Variants in SV2C observed in about 807,000 individuals in gnomAD.
SV2C encodes synaptic vesicle glycoprotein 2C, also known as solute carrier family 22 member B3.
Under a neutral mutation model 79.7 loss-of-function variants are expected in SV2C, and 49 were observed. That is an observed-to-expected ratio of 0.61 (90% confidence interval 0.49 to 0.78). The LOEUF is 0.78. SV2C is among the 30% of genes least tolerant of loss of function. The pLI is 0.00. For synonymous variants in SV2C, 334 were observed against 333.2 expected, an observed-to-expected ratio of 1.00 and a Z score of -0.03; for missense variants, 833 against 912.9, an observed-to-expected ratio of 0.91 and a Z score of 1.13.
the SV2C span, among the ~76,000 whole-genome samples, chr5:76,012,079 G>A: frequency 1.3e-5 from 2 of 152,144 alleles, no homozygotes; most frequent in Non-Finnish European, 2.9e-5. Flanking sequence ...ACATGTGCAT[G>A]TGTCTTTATA....
At chr5:76,271,747 G>A (rs887471989) in intron 4 of SV2C, among the ~76,000 whole-genome samples, 10 of 151,612 alleles carry the variant, frequency 6.6e-5, no homozygotes, top group African/African-American at 1.7e-4. Flanking sequence ...GATTACAGGC[G>A]TGAGCCATCG....
At chr5:75,895,910 G>A in the SV2C span, among the ~76,000 whole-genome samples, 1 of 151,780 alleles carries the variant, frequency 6.6e-6, no homozygotes, top group African/African-American at 2.4e-5. Flanking sequence ...AGTACCTTTA[G>A]GGTTTCTATT....
At chr5:76,061,381 G>A in the SV2C span, among the ~76,000 whole-genome samples, 4 of 150,944 alleles carry the variant, frequency 2.6e-5, no homozygotes, top group Non-Finnish European at 5.9e-5. Flanking sequence ...GGTCTGTAAA[G>A]GATCACAAAT....
At chr5:76,104,926 C>T (rs943178152) in intron 1 of SV2C, among the ~76,000 whole-genome samples, 3 of 152,166 alleles carry the variant, frequency 2.0e-5, no homozygotes, top group Non-Finnish European at 4.4e-5. Flanking sequence ...GCAGATGATT[C>T]TCGTTTGCAG....
chr5:76,310,265 G>A (rs1347268057), intron 12 of SV2C, among the ~76,000 whole-genome samples: 1 of 152,212 alleles, frequency 6.6e-6, no homozygotes, highest in Non-Finnish European at 1.5e-5. Context: ...GCTACGTGGA[G>A]CATAGAGAAT....
the SV2C span, among the ~76,000 whole-genome samples, chr5:76,053,298 C>T: frequency 6.6e-6 from 1 of 152,110 alleles, no homozygotes; most frequent in Non-Finnish European, 1.5e-5. Flanking sequence ...CCAATTGACA[C>T]AAGTTCTGTG....
chr5:75,897,248 G>C, the SV2C span, among the ~76,000 whole-genome samples: 1 of 151,584 alleles, frequency 6.6e-6, no homozygotes, highest in South Asian at 2.1e-4. Context: ...TTTTGTATAA[G>C]GTGTAAGGAA....
chr5:76,246,227 G>A (rs1347337356), intron 4 of SV2C, among the ~76,000 whole-genome samples: 2 of 152,064 alleles, frequency 1.3e-5, no homozygotes, highest in African/African-American at 2.4e-5. Flanking sequence ...ATATTCCTGA[G>A]TATTCATTCA....
the SV2C span, among the ~76,000 whole-genome samples, chr5:76,013,029 C>T: frequency 6.6e-6 from 1 of 152,160 alleles, no homozygotes; most frequent in African/African-American, 2.4e-5. Flanking sequence ...AGTTTGAAGT[C>T]AGAGAGCATG....
the SV2C span, among the ~76,000 whole-genome samples, chr5:75,871,022 T>C: frequency 1.4e-4 from 21 of 152,202 alleles, no homozygotes; most frequent in Admixed American, 1.4e-3. Context: ...ACTGTTTCAG[T>C]AGCATAATAC....
chr5:76,185,683 C>T (rs748421232), intron 2 of SV2C, among the ~76,000 whole-genome samples: 10 of 152,256 alleles, frequency 6.6e-5, no homozygotes, highest in Non-Finnish European at 1.3e-4. Flanking sequence ...GCACCATGTT[C>T]CAAGGCTGCA....
the SV2C span, among the ~76,000 whole-genome samples, chr5:76,023,675 T>TGC: frequency 1.0e-5 from 1 of 97,356 alleles, no homozygotes; most frequent in Non-Finnish European, 2.2e-5. Context: ...TATATATGTA[T>TGC]GTGTGTGTGT....
the SV2C span, among the ~76,000 whole-genome samples, chr5:75,976,373 G>A: frequency 6.6e-6 from 1 of 152,122 alleles, no homozygotes; most frequent in Non-Finnish European, 1.5e-5. Context: ...AAGACCTATA[G>A]TTGTTTCAGG....
At chr5:76,029,127 AGTT>A in the SV2C span, among the ~76,000 whole-genome samples, 12 of 152,218 alleles carry the variant, frequency 7.9e-5, no homozygotes, top group Admixed American at 3.3e-4. Context: ...AATTGTATGT[AGTT>A]ATTATGCACA....
chr5:76,087,330 G>C (rs1263327167), intron 1 of SV2C, among the ~76,000 whole-genome samples: 2 of 152,146 alleles, frequency 1.3e-5, no homozygotes, highest in Non-Finnish European at 2.9e-5. Flanking sequence ...TTTTCCCATA[G>C]ATAGTATATA....
At chr5:75,936,967 T>C in the SV2C span, among the ~76,000 whole-genome samples, 1 of 152,194 alleles carries the variant, frequency 6.6e-6, no homozygotes, top group South Asian at 2.1e-4. Context: ...TGTAAAACCA[T>C]CTTAATAATC....
At chr5:76,049,015 G>GAAAGAAAGAAAGAAAGAAAGAAAGAGA in the SV2C span, among the ~76,000 whole-genome samples, 1 of 90,290 alleles carries the variant, frequency 1.1e-5, no homozygotes, top group Non-Finnish European at 2.2e-5. Context: ...AAGAAAGAAA[G>GAAAGAAAGAAAGAAAGAAAGAAAGAGA]AAAGAAAGAA....
the SV2C span, among the ~76,000 whole-genome samples, chr5:75,889,027 C>T: frequency 4.6e-5 from 7 of 152,032 alleles, no homozygotes; most frequent in African/African-American, 1.4e-4. Context: ...TTTGTGTAAT[C>T]TTCTCTTCTT....
chr5:76,200,667 T>A lies in SV2C; in HGVS notation c.761+5568T>A, dbSNP rs201033609. 7.9e-5 allele frequency among the ~76,000 whole-genome samples: 12 copies of A among 152,280 alleles called. No individual in the cohort carries two copies. The East Asian group carries it at 2.3e-3, about 29-fold the overall frequency. ...TTTTATTTTGTTTTTTGAGATGGGA[T>A]CTCACTCTGTCACCCAGGCTGGAAT... On this transcript the variant is annotated intron_variant, in intron 3 of 12. Coordinates refer to ENST00000502798, the MANE Select transcript of SV2C (RefSeq NM_014979.4).
Sources: allele counts gnomAD v4.1 joint callset (sites outside exome capture counted in the v4.1 genomes callset), GRCh38; gene constraint gnomAD v4.1.1; transcripts MANE v1.5; gene names NCBI Gene and HGNC (gene_info 2026-07-23, HGNC 2026-07-21).